The following SH3TC1 variants were observed in gnomAD, a reference collection of about 807,000 sequenced individuals.
SH3TC1 encodes SH3 domain and tetratricopeptide repeat-containing protein 1.
A neutral mutation model predicts 117.3 loss-of-function variants in SH3TC1; 135 were observed. The observed-to-expected ratio is 1.15, with a 90% CI of 1.00 to 1.33. SH3TC1 has a LOEUF of 1.33. Ranked by LOEUF, SH3TC1 falls within the 40% of genes most tolerant of loss-of-function variation. The pLI, the probability that SH3TC1 is intolerant of heterozygous loss-of-function variation, is 0.00. For synonymous variants in SH3TC1, 898 were observed against 816.9 expected (o/e 1.10, Z -1.69); for missense variants, 2,092 against 1,794.3 (o/e 1.17, Z -3.00).
rs371064421 is a variant in SH3TC1 at position 8,228,159 on chromosome 4, G to A, written c.2465G>A (p.Arg822His). 29 of 1,611,952 alleles carry A rather than the reference G, an allele frequency of 1.8e-5. No homozygotes were observed. The highest frequency in any genetic ancestry group is 2.7e-5 in the African/African-American group (2 of 74,932). ...GAAGCCAGTGCTATTGCCGGAGTCC[G>A]TGCCATCGTGGACCACCTGGTGGCC... is the stretch of plus-strand genomic sequence containing the variant. Reference protein sequence around the residue: ...AVEASAIAGVRAIVDHLVALA... With the variant: ...AVEASAIAGVHAIVDHLVALA... Residue 822 changes from arginine to histidine, a missense_variant, in exon 12 of 18, where the codon CGT (arginine) becomes CAT (histidine). Arg to His is a conservative substitution (Grantham distance 29). Transcript: ENST00000245105.
At chr4:8,208,014 G>A (rs1039108301) in intron 2 of SH3TC1, among the ~76,000 whole-genome samples, 1 of 152,216 alleles carries the variant, frequency 6.6e-6, no homozygotes, top group Non-Finnish European at 1.5e-5. Flanking sequence ...TTCAGCAGTG[G>A]CGGGCTGGAC....
Position 8,210,033 on chromosome 4 carries a change from G to A in SH3TC1, c.247+211G>A, listed in dbSNP as rs1718521083. Among the ~76,000 whole-genome samples the A allele has an allele frequency of 6.6e-6, 1 of 152,298 alleles. No homozygotes were observed. ...GACATGGCCCCTGGGGCTCCCCTAG[G>A]CATCCCTGTGTGCACCTGCACAAAC... On this transcript the variant is annotated intron_variant, in intron 3 of 17. Transcript: ENST00000245105. The surrounding 1 kb of genome is among the most constrained non-coding windows in gnomAD (Gnocchi z 4.1).
chr4:8,200,833 C>T (rs1057013379), intron 1 of SH3TC1, among the ~76,000 whole-genome samples: 1 of 152,240 alleles, frequency 6.6e-6, no homozygotes, highest in African/African-American at 2.4e-5. Context: ...CATCAGTCCA[C>T]TCTCCGCCCT....
rs1417292579 is a variant in SH3TC1, at chr4:8,186,142, C to G, written c.-57+3932C>G. Among the ~76,000 whole-genome samples the G allele has an allele frequency of 6.6e-6, 1 of 152,168 alleles. No homozygotes were observed. The highest frequency in any genetic ancestry group is 1.5e-5 in the Non-Finnish European group (1 of 68,036). On this transcript the variant is annotated intron_variant, in intron 1 of 16. Coordinates refer to the SH3TC1 transcript ENST00000508641. The surrounding 1 kb of genome is among the most constrained non-coding windows in gnomAD (Gnocchi z 5.2). ...TTGAAGTGGAGGTCAGCTTCTCAAG[C>G]GGGGTTTAATTAACAGCAGCTGCTG...
intron 14 of SH3TC1, among the ~76,000 whole-genome samples, chr4:8,233,900 C>G (rs1721504722): frequency 6.6e-6 from 1 of 150,904 alleles, no homozygotes; most frequent in African/African-American, 2.4e-5. Flanking sequence ...CATCCATCAT[C>G]CATCCATCCA....
In SH3TC1 at chr4:8,240,943, C is replaced by A. The variant is rs369160114; in HGVS notation, c.3999C>A (p.Ser1333Arg). Residue 1333 changes from serine to arginine, a missense_variant, in exon 18 of 18, where the codon AGC (serine) becomes AGA (arginine). Physicochemically the swap from Ser to Arg is moderately radical, Grantham distance 110. Coordinates refer to ENST00000245105, the MANE Select transcript of SH3TC1 (RefSeq NM_018986.5). ...GGTGGGCCCCCTGGTTGGCCCCCAG[C>A]CACCCTCGCTGAGGACAGCATCCAA... ...LCGWAPWLAP[S>R]HPR 1.1e-4 allele frequency: 183 copies of A among 1,610,290 alleles called. No individual in the cohort carries two copies. Among genetic ancestry groups the A allele is most frequent in the Non-Finnish European group, 1.5e-4 (179 of 1,179,984 alleles).
At chr4:8,239,836 T>C (rs1318606479) in intron 17 of SH3TC1, among the ~76,000 whole-genome samples, 1 of 152,206 alleles carries the variant, frequency 6.6e-6, no homozygotes, top group East Asian at 1.9e-4. Context: ...AGCAGGGACG[T>C]TAGGCTCAGC....
chr4:8,229,592 G>C (rs973712108), intron 12 of SH3TC1, among the ~76,000 whole-genome samples: 9 of 151,986 alleles, frequency 5.9e-5, no homozygotes, highest in African/African-American at 2.2e-4. Context: ...GGCGTGGGTT[G>C]GTTGGGTGCT....
Position 8,190,668 on chromosome 4 carries a change from C to G in SH3TC1, c.-57+8458C>G, listed in dbSNP as rs1312135398. 6.6e-6 allele frequency among the ~76,000 whole-genome samples: 1 copy of G among 152,010 alleles called. No homozygotes were observed. The highest frequency in any genetic ancestry group is 1.5e-5 in the Non-Finnish European group (1 of 67,978). On this transcript the variant is annotated intron_variant, in intron 1 of 16. Transcript: ENST00000508641. The surrounding 1 kb of genome is among the most constrained non-coding windows in gnomAD (Gnocchi z 4.7). ...CTGTGATCTTTTTTTGGAGACAGAG[C>G]CTGGCTCTGTCGCCCAGGCTGGAGT... is the stretch of plus-strand genomic sequence containing the variant.
rs376174704 is a variant in SH3TC1 at position 8,192,447 on chromosome 4, CTTTATTTTATTTTATTTTATTTTAT to C, written c.-57+10265_-57+10289del. Among the ~76,000 whole-genome samples, 20 of 138,466 alleles carry C rather than the reference CTTTATTTTATTTTATTTTATTTTAT, an allele frequency of 1.4e-4. No individual in the cohort carries two copies. The highest frequency in any genetic ancestry group is 3.5e-4 in the Admixed American group (5 of 14,192). The allele number at this position is 138,466 out of a possible 152,430, so 90.8% of individuals were successfully genotyped here. A position where few individuals can be genotyped will look rare whatever the true frequency, so the allele number is the denominator to read the frequency against. ...ACAATCTTCTTATCCAACCACTTGT[CTTTATTTTATTTTATTTTATTTTAT>C]TTTATTTTATTTTATTTTATTTTAT... On this transcript the variant is annotated intron_variant, in intron 1 of 16. Transcript: ENST00000508641. This position sits in a 1 kb window ranked among gnomAD's most constrained non-coding sequence, Gnocchi z 4.1.
At chr4:8,216,408 T>G (rs1578686697) in intron 6 of SH3TC1, 151 bp downstream of exon 6, 1 of 1,218,902 alleles carries the variant, frequency 8.2e-7, no homozygotes, top group Non-Finnish European at 1.1e-6. Flanking sequence ...GGCAGGGAGG[T>G]GTGCTTGGTG....
At chr4:8,221,794 G>T (rs1719944581) in intron 9 of SH3TC1, among the ~76,000 whole-genome samples, 1 of 152,138 alleles carries the variant, frequency 6.6e-6, no homozygotes, top group South Asian at 2.1e-4. Context: ...CACAATGATG[G>T]CCTTTGTAGA....
In SH3TC1 at chr4:8,205,933, C is replaced by A; in HGVS notation, c.172+567C>A. ...GGGGAGAGGCAGGGGAGACCAAGGC[C>A]TGCACGGCCCCTCCCGGCAGGAGAC... On this transcript the variant is annotated intron_variant, in intron 2 of 17. Transcript: ENST00000245105. This position sits in a 1 kb window ranked among gnomAD's most constrained non-coding sequence, Gnocchi z 5.4. The A allele has an allele frequency of 2.1e-6, 1 of 480,950 alleles. No individual in the cohort carries two copies. Among genetic ancestry groups the A allele is most frequent in the Non-Finnish European group, 3.7e-6 (1 of 269,548 alleles). The allele number at this position is 480,950 out of a possible 1,614,324, so 29.8% of individuals were successfully genotyped here.
At chr4:8,184,424 G>A (rs998954936) in intron 1 of SH3TC1, among the ~76,000 whole-genome samples, 5 of 151,774 alleles carry the variant, frequency 3.3e-5, no homozygotes, top group African/African-American at 7.3e-5. Context: ...TCTGTGCCCC[G>A]GCTGGAGTGC....
intron 5 of SH3TC1, among the ~76,000 whole-genome samples, chr4:8,215,790 C>T (rs934200857): frequency 6.6e-6 from 1 of 152,230 alleles, no homozygotes; most frequent in Non-Finnish European, 1.5e-5. Context: ...TGGCCCATAC[C>T]CCCTGCGGCC....
chr4:8,225,475 C>G lies in SH3TC1; in HGVS notation c.1285+259C>G, dbSNP rs1461483585. Among the ~76,000 whole-genome samples, 1 of 152,152 alleles carries G rather than the reference C, an allele frequency of 6.6e-6. No individual in the cohort carries two copies. Among genetic ancestry groups the G allele is most frequent in the Non-Finnish European group, 1.5e-5 (1 of 68,036 alleles). Reference sequence around the variant, plus strand: ...CTGGTCCCCGCCCAAGATGGAGCATCCTTTCCACTGCTTGGGTCCACTTGT... The same window carrying G: ...CTGGTCCCCGCCCAAGATGGAGCATGCTTTCCACTGCTTGGGTCCACTTGT... On this transcript the variant is annotated intron_variant, in intron 11 of 17. Transcript: ENST00000245105. The surrounding 1 kb of genome is among the most constrained non-coding windows in gnomAD (Gnocchi z 5.5).
At chr4:8,188,772 G>T (rs758380490) in intron 1 of SH3TC1, among the ~76,000 whole-genome samples, 2 of 152,236 alleles carry the variant, frequency 1.3e-5, no homozygotes, top group Non-Finnish European at 2.9e-5. Context: ...CACCCCAGCG[G>T]GTTAGCAGGC....
chr4:8,201,395 C>T (rs1329535629), intron 1 of SH3TC1: 8 of 152,462 alleles, frequency 5.2e-5, no homozygotes, highest in Non-Finnish European at 7.3e-5. Flanking sequence ...CAAACTCCAC[C>T]CCTTCCCCCG....
chr4:8,237,731 C>G (rs1721955567), intron 17 of SH3TC1, 61 bp downstream of exon 17: 6 of 1,502,504 alleles, frequency 4.0e-6, no homozygotes, highest in Non-Finnish European at 5.4e-6. Flanking sequence ...GATCTCCACC[C>G]AGACCCCTGA....
Sources: allele counts gnomAD v4.1 joint callset (sites outside exome capture counted in the v4.1 genomes callset), GRCh38; gene constraint gnomAD v4.1.1; non-coding constraint Gnocchi (gnomAD v3.1); transcripts MANE v1.5; gene names NCBI Gene and HGNC (gene_info 2026-07-23, HGNC 2026-07-21).